The following GPC6 variants were observed in gnomAD, a reference collection of about 807,000 sequenced individuals.
GPC6 encodes the protein glypican-6.
A neutral mutation model predicts 55.2 loss-of-function variants in GPC6; 14 were observed. The observed-to-expected ratio is 0.25, with a 90% CI of 0.17 to 0.40. The LOEUF (loss-of-function observed/expected upper bound fraction) is 0.40, where lower values mean the gene tolerates loss of function less well. Among genes scored for constraint, GPC6 ranks in the 10% least tolerant of loss-of-function variants. The probability of loss-of-function intolerance (pLI) is 1.00; values close to 1 mark genes in which losing one functional copy is unlikely to be tolerated. For missense variants in GPC6, 641 were observed against 708.5 expected, an observed-to-expected ratio of 0.90 and a Z score of 1.08; for synonymous variants, 278 against 259.6, an observed-to-expected ratio of 1.07 and a Z score of -0.68.
At chr13:93,825,957 T>G (rs925013013) in intron 2 of GPC6, among the ~76,000 whole-genome samples, 1 of 149,354 alleles carries the variant, frequency 6.7e-6, no homozygotes, top group South Asian at 2.1e-4. Context: ...GCTTCCTGGG[T>G]TCAAGTGATT....
intron 1 of GPC6, among the ~76,000 whole-genome samples, chr13:93,421,865 A>G (rs145614503): frequency 2.0e-5 from 3 of 152,206 alleles, no homozygotes; most frequent in Admixed American, 1.3e-4. Flanking sequence ...TGCTAAGTGG[A>G]GTATGTGACA....
chr13:94,025,239 C>A (rs1348021561), intron 3 of GPC6, among the ~76,000 whole-genome samples: 2 of 152,104 alleles, frequency 1.3e-5, no homozygotes, highest in Admixed American at 1.3e-4. Context: ...AAGCATCAGT[C>A]AGGAGAGAAA....
rs576798331 is a variant in GPC6, at chr13:94,038,483, T to C, written c.877+10589T>C. Among the ~76,000 whole-genome samples, 5 of 152,030 alleles carry C rather than the reference T, an allele frequency of 3.3e-5. No individual in the cohort carries two copies. The South Asian group carries it at 1.0e-3, about 31-fold the overall frequency. On this transcript the variant is annotated intron_variant, in intron 4 of 8. Coordinates refer to ENST00000377047, the MANE Select transcript of GPC6 (RefSeq NM_005708.5). ...GTGTGCTTTCAAAGTGGGCTTTGGT[T>C]AAATGTAGAAGACATAGGTAAGAGC...
At chr13:94,083,735 T>C (rs1009806659) in intron 4 of GPC6, among the ~76,000 whole-genome samples, 18 of 152,136 alleles carry the variant, frequency 1.2e-4, no homozygotes, top group African/African-American at 4.1e-4. Flanking sequence ...GGACTAGTAT[T>C]AATAAACACT....
intron 2 of GPC6, among the ~76,000 whole-genome samples, chr13:93,769,896 C>G (rs1370017783): frequency 6.6e-6 from 1 of 152,202 alleles, no homozygotes; most frequent in Non-Finnish European, 1.5e-5. Flanking sequence ...GACTTGACTC[C>G]AGACATACTG....
chr13:94,372,903 AC>A (rs1159819165), intron 6 of GPC6, among the ~76,000 whole-genome samples: 1 of 151,550 alleles, frequency 6.6e-6, no homozygotes, highest in African/African-American at 2.4e-5. Context: ...TGGGTCCCTG[AC>A]CCCTGACCCC....
In GPC6 at chr13:94,175,986, A is replaced by AGAGAGAGAGAGC. The variant is rs1555304128; in HGVS notation, c.878-110356_878-110355insAGAGCGAGAGAG. On this transcript the variant is annotated intron_variant, in intron 4 of 8. Transcript: ENST00000377047. ...GAGAGAGAGAGAGAGAGAGAGAGAG[A>AGAGAGAGAGAGC]GAGAGAGCGAGCTTGTCCAATGGAG... 3.5e-3 allele frequency among the ~76,000 whole-genome samples: 458 copies of AGAGAGAGAGAGC among 131,184 alleles called. 2 individuals are homozygous for AGAGAGAGAGAGC. The highest frequency in any genetic ancestry group is 7.2e-3 in the South Asian group (28 of 3,872). 86.1% of individuals were successfully genotyped at this position (131,184 alleles called of 152,430 possible). A position where few individuals can be genotyped will look rare whatever the true frequency, so the allele number is the denominator to read the frequency against.
chr13:93,538,633 G>A (rs1271030707), intron 1 of GPC6, among the ~76,000 whole-genome samples: 1 of 152,264 alleles, frequency 6.6e-6, no homozygotes, highest in South Asian at 2.1e-4. Flanking sequence ...GAGGGCTTCC[G>A]CCATATTCCT....
intron 2 of GPC6, among the ~76,000 whole-genome samples, chr13:93,729,161 T>G (rs1457121393): frequency 6.6e-6 from 1 of 152,160 alleles, no homozygotes; most frequent in African/African-American, 2.4e-5. Context: ...CTAATAGTCT[T>G]AAATAGAGTC....
intron 2 of GPC6, among the ~76,000 whole-genome samples, chr13:93,790,441 A>G (rs1885994231): frequency 6.6e-6 from 1 of 152,228 alleles, no homozygotes. Flanking sequence ...TCCAGTGAAC[A>G]GAAAGCCTAG....
intron 3 of GPC6, among the ~76,000 whole-genome samples, chr13:93,932,413 T>C (rs1433363008): frequency 1.3e-5 from 2 of 152,112 alleles, no homozygotes; most frequent in African/African-American, 4.8e-5. Context: ...ATCACCAGAA[T>C]CCTCTCCTCG....
chr13:93,434,405 G>A (rs1877486743), intron 1 of GPC6, among the ~76,000 whole-genome samples: 1 of 152,062 alleles, frequency 6.6e-6, no homozygotes, highest in African/African-American at 2.4e-5. Flanking sequence ...TGTATAATTG[G>A]GGGGATAAAA....
intron 4 of GPC6, among the ~76,000 whole-genome samples, chr13:94,193,265 T>TA (rs1343491738): frequency 6.6e-6 from 1 of 152,188 alleles, no homozygotes; most frequent in East Asian, 1.9e-4. Flanking sequence ...GAGGCCTTTA[T>TA]AGTGGAGCTA....
rs192780756 is a variant in GPC6 at position 93,289,091 on chromosome 13, C to T, written c.160+61475C>T. Among the ~76,000 whole-genome samples the T allele has an allele frequency of 2.0e-5, 3 of 152,276 alleles. No individual in the cohort carries two copies. The East Asian group carries it at 5.8e-4, about 29-fold the overall frequency. ...CCAGGGTTAAGAGTGACAATTGCCA[C>T]AGATAGGGATGTTATACTGACCCAT... On this transcript the variant is annotated intron_variant, in intron 1 of 8. Coordinates refer to ENST00000377047, the MANE Select transcript of GPC6 (RefSeq NM_005708.5).
intron 3 of GPC6, among the ~76,000 whole-genome samples, chr13:94,026,618 G>T (rs1422259447): frequency 6.6e-6 from 1 of 151,960 alleles, no homozygotes; most frequent in African/African-American, 2.4e-5. Flanking sequence ...TCTAATTTTG[G>T]TCTCCACTAT....
chr13:93,846,240 T>A (rs1003186501), intron 3 of GPC6, among the ~76,000 whole-genome samples: 3 of 152,218 alleles, frequency 2.0e-5, no homozygotes, highest in Non-Finnish European at 4.4e-5. Context: ...TTCAATGTAA[T>A]GCAAGCTAAC....
intron 1 of GPC6, among the ~76,000 whole-genome samples, chr13:93,505,674 A>G (rs1880686846): frequency 6.6e-6 from 1 of 152,222 alleles, no homozygotes; most frequent in African/African-American, 2.4e-5. Flanking sequence ...ACAAAAATGC[A>G]AAAGAATTTA....
chr13:93,668,431 G>A (rs1057265681), intron 2 of GPC6, among the ~76,000 whole-genome samples: 3 of 152,128 alleles, frequency 2.0e-5, no homozygotes, highest in African/African-American at 2.4e-5. Flanking sequence ...TTGAATGGAC[G>A]CATGTCCCTG....
At chr13:94,401,424 C>G (rs1239054391) in intron 8 of GPC6, among the ~76,000 whole-genome samples, 1 of 151,998 alleles carries the variant, frequency 6.6e-6, no homozygotes, top group Non-Finnish European at 1.5e-5. Context: ...ATTTGTCAAA[C>G]AAGAAGGAAT....
Sources: allele counts gnomAD v4.1 joint callset (sites outside exome capture counted in the v4.1 genomes callset), GRCh38; gene constraint gnomAD v4.1.1; transcripts MANE v1.5; gene names NCBI Gene and HGNC (gene_info 2026-07-23, HGNC 2026-07-21).